The following RFTN1 variants were observed in gnomAD, a reference collection of about 807,000 sequenced individuals.
The protein encoded by RFTN1 is raftlin, lipid raft linker 1.
RFTN1 carries 26 observed loss-of-function variants against 46.5 expected under a neutral mutation model. That is an observed-to-expected ratio of 0.56 (90% CI 0.41 to 0.78). The LOEUF is 0.78. RFTN1 is among the 30% of genes least tolerant of loss of function. The pLI is 0.00. For synonymous variants in RFTN1, 261 were observed against 284.2 expected (o/e 0.92, Z 0.82); for missense variants, 693 against 718.7 (o/e 0.96, Z 0.41).
Position 16,421,652 on chromosome 3 carries a change from A to G in RFTN1, c.333-12169T>C, listed in dbSNP as rs1307034939. Among the ~76,000 whole-genome samples the G allele has an allele frequency of 1.3e-5, 2 of 151,992 alleles. No individual in the cohort carries two copies. Among genetic ancestry groups the G allele is most frequent in the South Asian group, 2.1e-4 (1 of 4,816 alleles). On this transcript the variant is annotated intron_variant, in intron 3 of 9. Coordinates refer to ENST00000334133, the MANE Select transcript of RFTN1 (RefSeq NM_015150.2). This position sits in a 1 kb window ranked among gnomAD's most constrained non-coding sequence, Gnocchi z 4.6. Reference sequence around the variant, plus strand: ...GGTGTGAGCCACCACGCCCAGCCCAACATTGGTGTTTTAATCTCATACTGC... The same window carrying G: ...GGTGTGAGCCACCACGCCCAGCCCAGCATTGGTGTTTTAATCTCATACTGC...
In RFTN1 at chr3:16,407,138, A is replaced by T. The variant is rs1038982932; in HGVS notation, c.441+2237T>A. Among the ~76,000 whole-genome samples, 3 of 152,184 alleles carry T rather than the reference A, an allele frequency of 2.0e-5. No individual in the cohort carries two copies. Among genetic ancestry groups the T allele is most frequent in the African/African-American group, 7.2e-5 (3 of 41,430 alleles). Reference sequence around the variant, plus strand: ...CACTGCAATGGGTCAGCCATGCAATAACCTAATTTGGTTAAGACAAAGTCA... The same window carrying T: ...CACTGCAATGGGTCAGCCATGCAATTACCTAATTTGGTTAAGACAAAGTCA... On this transcript the variant is annotated intron_variant, in intron 4 of 9. Transcript: ENST00000334133. The surrounding 1 kb of genome is among the most constrained non-coding windows in gnomAD (Gnocchi z 4.0).
rs990789161 is a variant in RFTN1 at position 16,504,319 on chromosome 3, G to A, written c.-9+9123C>T. On this transcript the variant is annotated intron_variant, in intron 1 of 9. Coordinates refer to ENST00000334133, the MANE Select transcript of RFTN1 (RefSeq NM_015150.2). This position sits in a 1 kb window ranked among gnomAD's most constrained non-coding sequence, Gnocchi z 4.4. ...GGGATGTGTGCATCTGTTGGACACT[G>A]AGCAACTTCTCAAAACTTGGAACCA... Among the ~76,000 whole-genome samples the A allele has an allele frequency of 1.3e-4, 20 of 152,128 alleles. No individual in the cohort carries two copies. Among genetic ancestry groups the A allele is most frequent in the Admixed American group, 1.2e-3 (19 of 15,284 alleles).
intron 4 of RFTN1, among the ~76,000 whole-genome samples, chr3:16,396,523 G>A (rs568395893): frequency 1.3e-5 from 2 of 152,320 alleles, no homozygotes; most frequent in East Asian, 3.9e-4. Context: ...GACACTAGAA[G>A]AATGGCAGAA....
chr3:16,513,614 G>T lies in RFTN1; in HGVS notation c.-181C>A. ...GTGGTCGTGTGTCTGTCCCTCCGGC[G>T]ATCGGTGCGTCTGTCCCTCGCCGGA... On this transcript the variant is annotated 5_prime_UTR_variant, in exon 1 of 10. Transcript: ENST00000334133. The surrounding 1 kb of genome is among the most constrained non-coding windows in gnomAD (Gnocchi z 5.4). 1 of 152,182 alleles carries T rather than the reference G, an allele frequency of 6.6e-6. No individual in the cohort carries two copies. The highest frequency in any genetic ancestry group is 1.9e-4 in the South Asian group (1 of 5,346). The allele number at this position is 152,182 out of a possible 1,614,324, so 9.4% of individuals were successfully genotyped here.
intron 6 of RFTN1, among the ~76,000 whole-genome samples, chr3:16,368,966 C>G (rs1008390309): frequency 1.8e-4 from 28 of 152,202 alleles, no homozygotes; most frequent in African/African-American, 6.5e-4. Flanking sequence ...AATCACCTTT[C>G]TTGTGTCATT....
chr3:16,321,212 G>A lies in RFTN1; in HGVS notation c.1332+2164C>T, dbSNP rs1475950160. Among the ~76,000 whole-genome samples, 1 of 152,174 alleles carries A rather than the reference G, an allele frequency of 6.6e-6. No homozygotes were observed. ...GGTTTCCTCGAGCCACAGGATGGAT[G>A]GAGCTGGAGTCTTGGGGTGCAGTGA... On this transcript the variant is annotated intron_variant, in intron 9 of 9. Coordinates refer to ENST00000334133, the MANE Select transcript of RFTN1 (RefSeq NM_015150.2). This position sits in a 1 kb window ranked among gnomAD's most constrained non-coding sequence, Gnocchi z 4.8.
chr3:16,464,846 G>A (rs1391011240), intron 2 of RFTN1, among the ~76,000 whole-genome samples: 1 of 152,218 alleles, frequency 6.6e-6, no homozygotes, highest in Non-Finnish European at 1.5e-5. Context: ...TCCCTTTACA[G>A]AAAGTTTGCC....
At position 16,348,155 on chromosome 3, in the gene RFTN1, G is replaced by A. The variant is rs989456628; in HGVS notation, c.1146+9777C>T. On this transcript the variant is annotated intron_variant, in intron 7 of 9. Coordinates refer to ENST00000334133, the MANE Select transcript of RFTN1 (RefSeq NM_015150.2). This position sits in a 1 kb window ranked among gnomAD's most constrained non-coding sequence, Gnocchi z 6.3. Reference sequence around the variant, plus strand: ...TTGTGGCTCTTGTTGCTTAAAGCAGGGCAGGCTCCTGGAGCTCAGGAGCAG... The same window carrying A: ...TTGTGGCTCTTGTTGCTTAAAGCAGAGCAGGCTCCTGGAGCTCAGGAGCAG... The A allele has an allele frequency of 6.6e-6, 1 of 151,958 alleles. No homozygotes were observed. The highest frequency in any genetic ancestry group is 1.5e-5 in the Non-Finnish European group (1 of 68,006). The allele number at this position is 151,958 out of a possible 1,614,324, so 9.4% of individuals were successfully genotyped here.
At position 16,320,103 on chromosome 3, in the gene RFTN1, C is replaced by T. The variant is rs929726089; in HGVS notation, c.1333-2871G>A. Among the ~76,000 whole-genome samples the T allele has an allele frequency of 1.3e-5, 2 of 152,178 alleles. No homozygotes were observed. Among genetic ancestry groups the T allele is most frequent in the African/African-American group, 4.8e-5 (2 of 41,438 alleles). ...TTTACAGCAGTGTGTGTCCAGAGTT[C>T]CATGTCAGCAGGAGCCAATGGATTT... is the stretch of plus-strand genomic sequence containing the variant. On this transcript the variant is annotated intron_variant, in intron 9 of 9. Coordinates refer to ENST00000334133, the MANE Select transcript of RFTN1 (RefSeq NM_015150.2). The surrounding 1 kb of genome is among the most constrained non-coding windows in gnomAD (Gnocchi z 4.5).
chr3:16,478,008 C>CATTT (rs1329981492), intron 2 of RFTN1, among the ~76,000 whole-genome samples: 2 of 152,280 alleles, frequency 1.3e-5, no homozygotes, highest in Admixed American at 1.3e-4. Flanking sequence ...ACACAGTGAT[C>CATTT]ATTTGCTTCT....
chr3:16,375,509 C>G (rs1315268742), intron 5 of RFTN1, among the ~76,000 whole-genome samples: 1 of 152,002 alleles, frequency 6.6e-6, no homozygotes, highest in African/African-American at 2.4e-5. Flanking sequence ...TGGAGGGTGA[C>G]TGCCATCGTG....
chr3:16,359,453 A>G (rs1367244620), intron 6 of RFTN1, among the ~76,000 whole-genome samples: 8 of 152,216 alleles, frequency 5.3e-5, no homozygotes, highest in Non-Finnish European at 1.2e-4. Flanking sequence ...TCCTTTAACT[A>G]GGGTAGGATG....
In RFTN1 at chr3:16,386,618, CAG is replaced by C. The variant is rs142369877; in HGVS notation, c.442-8518_442-8517del. Among the ~76,000 whole-genome samples the C allele has an allele frequency of 4.2e-3, 642 of 152,330 alleles. 2 individuals carry two copies. The highest frequency in any genetic ancestry group is 0.015 in the African/African-American group (616 of 41,572). ...ACTGGGAAATACCAGGGCTAGATTG[CAG>C]AGTCTTGCATCTTTAGAGTCTGGAC... On this transcript the variant is annotated intron_variant, in intron 4 of 9. Coordinates refer to ENST00000334133, the MANE Select transcript of RFTN1 (RefSeq NM_015150.2).
intron 8 of RFTN1, among the ~76,000 whole-genome samples, chr3:16,326,544 T>A (rs1021555707): frequency 6.6e-6 from 1 of 152,188 alleles, no homozygotes; most frequent in African/African-American, 2.4e-5. Flanking sequence ...TGGGCAGTAA[T>A]GACTCACAGG....
At position 16,413,426 on chromosome 3, in the gene RFTN1, A is replaced by G. The variant is rs1257136636; in HGVS notation, c.333-3943T>C. Among the ~76,000 whole-genome samples the G allele has an allele frequency of 6.6e-6, 1 of 152,232 alleles. No homozygotes were observed. The highest frequency in any genetic ancestry group is 1.5e-5 in the Non-Finnish European group (1 of 68,036). On this transcript the variant is annotated intron_variant, in intron 3 of 9. Transcript: ENST00000334133. The surrounding 1 kb of genome is among the most constrained non-coding windows in gnomAD (Gnocchi z 4.7). ...GAAGAAGCATTAACCTGAAACTCCC[A>G]GCTGAGCAGGCATTGCCACCTTCCT...
At chr3:16,364,328 C>T (rs575150088) in intron 6 of RFTN1, among the ~76,000 whole-genome samples, 1 of 152,302 alleles carries the variant, frequency 6.6e-6, no homozygotes, top group East Asian at 1.9e-4. Context: ...GGGTAGACAA[C>T]TGAGTTAAAT....
intron 1 of RFTN1, among the ~76,000 whole-genome samples, chr3:16,510,632 G>A (rs188361198): frequency 6.6e-6 from 1 of 152,276 alleles, no homozygotes; most frequent in East Asian, 1.9e-4. Flanking sequence ...GGAAAGACAG[G>A]GCTGTAGTAT....
At chr3:16,510,602 A>G (rs1322068498) in intron 1 of RFTN1, among the ~76,000 whole-genome samples, 1 of 152,204 alleles carries the variant, frequency 6.6e-6, no homozygotes, top group Non-Finnish European at 1.5e-5. Flanking sequence ...TAGTCAAACC[A>G]TGCTCTTGAC....
intron 7 of RFTN1, among the ~76,000 whole-genome samples, chr3:16,330,745 T>G (rs1420256619): frequency 6.6e-6 from 1 of 152,228 alleles, no homozygotes; most frequent in Non-Finnish European, 1.5e-5. Context: ...CTCCAGTGAT[T>G]GCAAATCAAC....
Sources: gnomAD v4.1 joint callset for allele counts (sites outside exome capture counted in the v4.1 genomes callset) on GRCh38, gnomAD v4.1.1 for gene constraint, Gnocchi (gnomAD v3.1) non-coding constraint, MANE v1.5 for transcripts, NCBI Gene and HGNC (gene_info 2026-07-23, HGNC 2026-07-21) for gene names.